GABBR2: variants seen among roughly 807,000 people sequenced by gnomAD.
GABBR2 encodes G-protein coupled receptor 51.
A neutral mutation model predicts 105.6 loss-of-function variants in GABBR2; 23 were observed. The observed-to-expected ratio is 0.22, with a 90% CI of 0.16 to 0.31. GABBR2 has a LOEUF of 0.31. GABBR2 is among the 10% of genes least tolerant of loss of function. GABBR2 has a pLI of 1.00. For missense variants in GABBR2, 734 were observed against 1,245.5 expected, an observed-to-expected ratio of 0.59 and a Z score of 6.18; for synonymous variants, 478 against 499.7, an observed-to-expected ratio of 0.96 and a Z score of 0.58.
intron 2 of GABBR2, among the ~76,000 whole-genome samples, chr9:98,575,105 A>G (rs1293625560): frequency 1.3e-5 from 2 of 152,062 alleles, no homozygotes; most frequent in East Asian, 3.9e-4. Context: ...CCAAATCTGC[A>G]AAACCCTAAG....
chr9:98,614,746 G>A (rs1030740828), intron 1 of GABBR2, among the ~76,000 whole-genome samples: 4 of 144,706 alleles, frequency 2.8e-5, no homozygotes, highest in Non-Finnish European at 4.6e-5. Flanking sequence ...GAAGAAGGGG[G>A]AAAGGAGAAT....
At chr9:98,501,126 C>CT (rs1491142621) in intron 3 of GABBR2, among the ~76,000 whole-genome samples, 1 of 16,716 alleles carries the variant, frequency 6.0e-5, no homozygotes, top group Non-Finnish European at 1.1e-4. Context: ...GGAACCACTG[C>CT]CCCCCCCCCT....
At position 98,349,344 on chromosome 9, in the gene GABBR2, G is replaced by GTT. The variant is rs1564026872; in HGVS notation, c.1893+13369_1893+13370dup. Among the ~76,000 whole-genome samples the GTT allele has an allele frequency of 6.6e-3, 691 of 105,456 alleles. 92 individuals carry two copies. Among genetic ancestry groups the GTT allele is most frequent in the Non-Finnish European group, 8.8e-3 (486 of 55,440 alleles). 69.2% of individuals were successfully genotyped at this position (105,456 alleles called of 152,430 possible). On this transcript the variant is annotated intron_variant, in intron 13 of 18. Transcript: ENST00000259455. ...TTTGGTTTGCCAATATTTTGTTGAAGTTTTGTTTTTTTTTTTTTTTTTTTT... is the reference window on the plus strand; with the variant it reads ...TTTGGTTTGCCAATATTTTGTTGAAGTTTTTTGTTTTTTTTTTTTTTTTTTTT...
intron 8 of GABBR2, 31 bp from the exon 9 acceptor site, chr9:98,394,286 G>C (rs760581329): frequency 6.6e-7 from 1 of 1,513,990 alleles, no homozygotes; most frequent in South Asian, 1.1e-5. Context: ...TGGCCAGTTA[G>C]ACTGGGATCT....
At chr9:98,588,051 A>T (rs945543634) in intron 1 of GABBR2, among the ~76,000 whole-genome samples, 9 of 152,130 alleles carry the variant, frequency 5.9e-5, no homozygotes, top group Middle Eastern at 6.8e-3. Context: ...TTACTTAAAT[A>T]AAAAAAATAC....
At chr9:98,452,196 G>A (rs1392750755) in intron 7 of GABBR2, among the ~76,000 whole-genome samples, 1 of 152,192 alleles carries the variant, frequency 6.6e-6, no homozygotes, top group Non-Finnish European at 1.5e-5. Flanking sequence ...GCACAGGCAT[G>A]CATGAATATG....
Position 98,306,265 on chromosome 9 carries a change from A to T in GABBR2, c.2085T>A (p.Ser695Arg). Residue 695 changes from serine (S) to arginine (R), a missense_variant, in exon 15 of 19, where the codon AGT becomes AGA. This residue lies in a region of GABBR2 where 91 missense variants were observed against 185.9 expected (regional missense o/e 0.49). Transcript: ENST00000259455. This position sits in a 1 kb window ranked among gnomAD's most constrained non-coding sequence, Gnocchi z 5.4. ...ALNDSKYIGM[S>R]VYNVGIMCII... ...TGCACATGATCCCCACGTTGTAGAC[A>T]CTCATCCCGATGTACTTGCTGTCGT... is the stretch of plus-strand genomic sequence containing the variant. 6.2e-7 allele frequency: 1 copy of T among 1,614,086 alleles called. No individual in the cohort carries two copies. The highest frequency in any genetic ancestry group is 8.5e-7 in the Non-Finnish European group (1 of 1,179,970).
Position 98,680,320 on chromosome 9 carries a change from T to A in GABBR2, c.321+28097A>T, listed in dbSNP as rs569324660. Among the ~76,000 whole-genome samples, 38 of 152,266 alleles carry A rather than the reference T, an allele frequency of 2.5e-4. 1 individual carries two copies. Among genetic ancestry groups the A allele is most frequent in the Admixed American group, 9.8e-4 (15 of 15,296 alleles). On this transcript the variant is annotated intron_variant, in intron 1 of 18. Coordinates refer to ENST00000259455, the MANE Select transcript of GABBR2 (RefSeq NM_005458.8). ...ATTTTATTTATTTATTTATTTATTT[T>A]TTTGAGACAGAGTCTCGCTCTGTCA...
chr9:98,329,823 C>T (rs1017634834), intron 13 of GABBR2, among the ~76,000 whole-genome samples: 1 of 151,838 alleles, frequency 6.6e-6, no homozygotes, highest in Non-Finnish European at 1.5e-5. Flanking sequence ...TCCTCTCTCC[C>T]TTCCCTCCCC....
chr9:98,609,863 G>A (rs1341442987), intron 1 of GABBR2, among the ~76,000 whole-genome samples: 1 of 152,208 alleles, frequency 6.6e-6, no homozygotes, highest in African/African-American at 2.4e-5. Context: ...CCAGGACACT[G>A]GGCAGTGGCA....
intron 2 of GABBR2, among the ~76,000 whole-genome samples, chr9:98,559,820 A>G (rs544017281): frequency 1.3e-5 from 2 of 152,200 alleles, no homozygotes; most frequent in African/African-American, 4.8e-5. Flanking sequence ...CATCCATACA[A>G]AGCAGGGCTG....
At chr9:98,570,093 T>C (rs1828806762) in intron 2 of GABBR2, among the ~76,000 whole-genome samples, 1 of 152,180 alleles carries the variant, frequency 6.6e-6, no homozygotes, top group African/African-American at 2.4e-5. Flanking sequence ...TGCCAATACC[T>C]CTACACACAT....
At chr9:98,453,267 C>A (rs185960262) in intron 7 of GABBR2, among the ~76,000 whole-genome samples, 2 of 152,346 alleles carry the variant, frequency 1.3e-5, no homozygotes, top group African/African-American at 2.4e-5. Flanking sequence ...CTCAGGTGAT[C>A]CACCCGCCTC....
intron 17 of GABBR2, among the ~76,000 whole-genome samples, chr9:98,296,042 A>T (rs139336777): frequency 6.6e-6 from 1 of 152,342 alleles, no homozygotes; most frequent in African/African-American, 2.4e-5. Flanking sequence ...CTGTATATCC[A>T]TACTGCTATG....
At chr9:98,503,997 T>C (rs1827456041) in intron 3 of GABBR2, among the ~76,000 whole-genome samples, 1 of 152,114 alleles carries the variant, frequency 6.6e-6, no homozygotes, top group South Asian at 2.1e-4. Context: ...ATCATCAAGC[T>C]TACAGCTGGG....
Position 98,290,755 on chromosome 9 carries a change from G to A in GABBR2, c.2661-6C>T. ...GGGACAGCCGACGCTGGATGCTGAA[G>A]AGAAGGAGAGGGAGGAGTGTTAGTG... On this transcript the variant is annotated splice_polypyrimidine_tract_variant and splice_region_variant and intron_variant, in intron 18 of 18. Coordinates refer to ENST00000259455, the MANE Select transcript of GABBR2 (RefSeq NM_005458.8). The A allele has an allele frequency of 6.8e-7, 1 of 1,475,130 alleles. No individual in the cohort carries two copies. Among genetic ancestry groups the A allele is most frequent in the Non-Finnish European group, 8.9e-7 (1 of 1,122,992 alleles). 91.4% of individuals were successfully genotyped at this position (1,475,130 alleles called of 1,614,324 possible).
chr9:98,533,550 C>T (rs574795270), intron 3 of GABBR2, among the ~76,000 whole-genome samples: 1 of 152,330 alleles, frequency 6.6e-6, no homozygotes, highest in Non-Finnish European at 1.5e-5. Flanking sequence ...GAAATCCTCA[C>T]TGAACATACC....
chr9:98,520,922 T>G (rs1385829646), intron 3 of GABBR2, among the ~76,000 whole-genome samples: 1 of 152,014 alleles, frequency 6.6e-6, no homozygotes, highest in African/African-American at 2.4e-5. Flanking sequence ...AGAGGAAAAG[T>G]GCCCAGGAAA....
At chr9:98,675,172 T>C (rs1830458576) in intron 1 of GABBR2, among the ~76,000 whole-genome samples, 1 of 152,122 alleles carries the variant, frequency 6.6e-6, no homozygotes, top group African/African-American at 2.4e-5. Context: ...AACGCAGATA[T>C]GTTTTCACCT....
Sources: allele counts gnomAD v4.1 joint callset (sites outside exome capture counted in the v4.1 genomes callset), GRCh38; gene constraint gnomAD v4.1.1; regional missense constraint gnomAD v4.1.1; non-coding constraint Gnocchi (gnomAD v3.1); transcripts MANE v1.5; gene names NCBI Gene and HGNC (gene_info 2026-07-23, HGNC 2026-07-21).